The following FGD6 variants were observed in gnomAD, a reference collection of about 807,000 sequenced individuals.
FGD6 encodes FYVE, RhoGEF and PH domain containing 6, also known as FYVE, RhoGEF and PH domain-containing protein 6.
A neutral mutation model predicts 149.4 loss-of-function variants in FGD6; 90 were observed. The observed-to-expected ratio is 0.60, with a 90% CI of 0.51 to 0.72. The LOEUF (loss-of-function observed/expected upper bound fraction) is 0.72. Among genes scored for constraint, FGD6 ranks in the 30% least tolerant of loss-of-function variants. The probability of loss-of-function intolerance (pLI) is 0.00; values close to 1 mark genes in which losing one functional copy is unlikely to be tolerated. For synonymous variants in FGD6, 527 were observed against 584.0 expected (o/e 0.90, Z 1.41); for missense variants, 1,437 against 1,684.8 (o/e 0.85, Z 2.57).
At chr12:95,180,403 G>T (rs6419374) in intron 2 of FGD6, among the ~76,000 whole-genome samples, 125,423 of 142,942 alleles carry the variant, frequency 0.88, 55,374 homozygotes, top group East Asian at 0.97. Flanking sequence ...TGAGACAGGG[G>T]CTTGCTCTGT....
intron 2 of FGD6, among the ~76,000 whole-genome samples, chr12:95,203,013 A>G (rs2056671021): frequency 6.6e-6 from 1 of 152,232 alleles, no homozygotes; most frequent in South Asian, 2.1e-4. Flanking sequence ...TGTATACTCT[A>G]ATCCTTACAT....
chr12:95,098,488 C>A (rs1878314278), intron 14 of FGD6, among the ~76,000 whole-genome samples: 1 of 152,166 alleles, frequency 6.6e-6, no homozygotes, highest in East Asian at 1.9e-4. Context: ...TCCCTCCAGG[C>A]TTATCCTGGG....
intron 2 of FGD6, among the ~76,000 whole-genome samples, chr12:95,197,778 T>C (rs949555537): frequency 6.6e-6 from 1 of 152,202 alleles, no homozygotes; most frequent in Non-Finnish European, 1.5e-5. Flanking sequence ...TGGGGAAATA[T>C]GAGACATGCA....
At chr12:95,150,317 G>A (rs766109364) in intron 5 of FGD6, among the ~76,000 whole-genome samples, 26 of 152,036 alleles carry the variant, frequency 1.7e-4, no homozygotes, top group East Asian at 1.9e-4. Context: ...ATGAGCCACC[G>A]TACCCGGCCC....
At chr12:95,196,165 G>GT (rs1197476894) in intron 2 of FGD6, among the ~76,000 whole-genome samples, 1 of 152,130 alleles carries the variant, frequency 6.6e-6, no homozygotes, top group Non-Finnish European at 1.5e-5. Flanking sequence ...GAGTAATTTC[G>GT]TATTTTTAAA....
At chr12:95,082,867 C>T (rs113093472) in intron 20 of FGD6, among the ~76,000 whole-genome samples, 12 of 147,734 alleles carry the variant, frequency 8.1e-5, no homozygotes, top group African/African-American at 2.7e-4. Context: ...TTTATGTAGG[C>T]TGGGCATGGT....
At position 95,107,575 on chromosome 12, in the gene FGD6, T is replaced by C. The variant is rs1176030293; in HGVS notation, c.3321A>G (p.Arg1107=). Residue 1107 remains arginine, a synonymous_variant, in exon 12 of 21, where the codon CGA becomes CGG. Transcript: ENST00000343958. ...MKLSRKVMQP[R]MFFLFNDALL... is the part of the protein sequence containing the mutation. Reference sequence around the variant, plus strand: ...CAAGTCCTCTTACCAGGAAAAACATTCGAGGTTGCATCACTTTCCGAGACA... The same window carrying C: ...CAAGTCCTCTTACCAGGAAAAACATCCGAGGTTGCATCACTTTCCGAGACA... 3.1e-6 allele frequency: 5 copies of C among 1,614,084 alleles called. No homozygotes were observed. In the Admixed American group the frequency reaches 8.3e-5, roughly 27 times the overall value.
chr12:95,209,151 G>A lies in FGD6; in HGVS notation c.2133C>T (p.Thr711=). The A allele has an allele frequency of 6.2e-6, 10 of 1,614,096 alleles. No individual in the cohort carries two copies. Among genetic ancestry groups the A allele is most frequent in the Non-Finnish European group, 8.5e-6 (10 of 1,180,012 alleles). Residue 711 remains threonine (T), a synonymous_variant, in exon 2 of 21, where the codon ACC becomes ACT. Transcript: ENST00000343958. ...QKKRKKSRGQ[T]SAANGLRAES... ...CAGCTCTCAGACCATTAGCTGCACT[G>A]GTCTGGCCCCGAGACTTCTTCCTCT...
chr12:95,183,891 T>C (rs1450531487), intron 2 of FGD6, among the ~76,000 whole-genome samples: 2 of 152,112 alleles, frequency 1.3e-5, no homozygotes, highest in African/African-American at 2.4e-5. Flanking sequence ...TTGTCTGGGA[T>C]CGCGAGGTAC....
At position 95,121,910 on chromosome 12, in the gene FGD6, TC is replaced by T. The variant is rs141179196; in HGVS notation, c.3083-8210del. 8.8e-3 allele frequency among the ~76,000 whole-genome samples: 1,346 copies of T among 152,274 alleles called. 7 individuals are homozygous for T. The highest frequency in any genetic ancestry group is 0.015 in the Non-Finnish European group (1,000 of 68,016). On this transcript the variant is annotated intron_variant, in intron 8 of 20. Coordinates refer to ENST00000343958, the MANE Select transcript of FGD6 (RefSeq NM_018351.4). ...TATTAATAGGTTATTTAATAAACAA[TC>T]TTTTTTCTATTGTCTTGGGTTTCCT...
Position 95,158,242 on chromosome 12 carries a change from A to G in FGD6, c.2587-5249T>C, listed in dbSNP as rs551102418. ...GAGTGCAGTGGCGTGATCTTGGCTC[A>G]CTGCAATCTCCGCCTCTTGGGTTCA... On this transcript the variant is annotated intron_variant, in intron 3 of 20. Coordinates refer to ENST00000343958, the MANE Select transcript of FGD6 (RefSeq NM_018351.4). Among the ~76,000 whole-genome samples the G allele has an allele frequency of 1.1e-4, 16 of 140,212 alleles. No homozygotes were observed. In the South Asian group the frequency reaches 3.5e-3, roughly 31 times the overall value. The allele number at this position is 140,212 out of a possible 152,430, so 92.0% of individuals were successfully genotyped here. A position where few individuals can be genotyped will look rare whatever the true frequency, so the allele number is the denominator to read the frequency against.
chr12:95,129,106 T>C lies in FGD6; in HGVS notation c.3082+5633A>G, dbSNP rs1190707332. Among the ~76,000 whole-genome samples the C allele has an allele frequency of 2.6e-5, 4 of 152,098 alleles. No individual in the cohort carries two copies. In the East Asian group the frequency reaches 5.8e-4, roughly 22 times the overall value. On this transcript the variant is annotated intron_variant, in intron 8 of 20. Coordinates refer to ENST00000343958, the MANE Select transcript of FGD6 (RefSeq NM_018351.4). ...GGCGTGAGTTTAGAAGGGCCTGGCC[T>C]GGAGCCTAACAGAGAAATAGAAGGA...
intron 7 of FGD6, among the ~76,000 whole-genome samples, 200 bp from the exon 8 acceptor site, chr12:95,135,026 T>C (rs1470401913): frequency 2.0e-5 from 3 of 152,238 alleles, no homozygotes; most frequent in East Asian, 3.9e-4. Flanking sequence ...ACCTCCACCC[T>C]TTCCTGTAGG....
chr12:95,100,011 A>C, intron 14 of FGD6, among the ~76,000 whole-genome samples: 1 of 148,052 alleles, frequency 6.8e-6, no homozygotes, highest in African/African-American at 2.5e-5. Flanking sequence ...TCCATCTGGG[A>C]TTTGCTTCTG....
chr12:95,208,716 T>C, intron 2 of FGD6, 127 bp downstream of exon 2: 4 of 1,151,848 alleles, frequency 3.5e-6, no homozygotes, highest in Non-Finnish European at 3.6e-6. Flanking sequence ...CACTTGAGAA[T>C]AATTACACAT....
At chr12:95,164,896 T>A (rs961423237) in intron 3 of FGD6, among the ~76,000 whole-genome samples, 11 of 152,152 alleles carry the variant, frequency 7.2e-5, no homozygotes, top group Admixed American at 2.0e-4. Context: ...TAAACAATGC[T>A]CTCTTAGGTT....
In FGD6 at chr12:95,202,162, G is replaced by A. The variant is rs201563686; in HGVS notation, c.2441+6681C>T. Among the ~76,000 whole-genome samples the A allele has an allele frequency of 2.6e-5, 4 of 152,108 alleles. No homozygotes were observed. In the East Asian group the frequency reaches 7.7e-4, roughly 29 times the overall value. On this transcript the variant is annotated intron_variant, in intron 2 of 20. Transcript: ENST00000343958. Reference sequence around the variant, plus strand: ...CCCAACACTTTGGGAGGCCGAGGTGGGCTGACTTGAGGTCAGGAGTTCAAT... The same window carrying A: ...CCCAACACTTTGGGAGGCCGAGGTGAGCTGACTTGAGGTCAGGAGTTCAAT...
intron 6 of FGD6, 37 bp from the exon 7 acceptor site, chr12:95,137,715 G>GA (rs1440244608): frequency 6.8e-7 from 1 of 1,466,686 alleles, no homozygotes. Context: ...AAAATATAAA[G>GA]AGAGATTGAT....
At chr12:95,182,235 T>TC (rs1334731818) in intron 2 of FGD6, among the ~76,000 whole-genome samples, 11 of 151,140 alleles carry the variant, frequency 7.3e-5, no homozygotes, top group Non-Finnish European at 1.3e-4. Context: ...TTTTTTTTTT[T>TC]TTGGAGATGG....
Sources: gnomAD v4.1 joint callset for allele counts (sites outside exome capture counted in the v4.1 genomes callset) on GRCh38, gnomAD v4.1.1 for gene constraint, MANE v1.5 for transcripts, NCBI Gene and HGNC (gene_info 2026-07-23, HGNC 2026-07-21) for gene names.